Variants in LOC128462377 observed in about 807,000 individuals in gnomAD.
chr16:89,328,302 A>G, the LOC128462377 span, among the ~76,000 whole-genome samples: 1 of 152,194 alleles, frequency 6.6e-6, no homozygotes, highest in Admixed American at 6.5e-5. Context: ...TTACGAACCT[A>G]AGTGTGCGCT....
At chr16:89,381,174 T>C in the LOC128462377 span, among the ~76,000 whole-genome samples, 647 of 151,534 alleles carry the variant, frequency 4.3e-3, 5 homozygotes, top group Non-Finnish European at 6.2e-3. Context: ...AATTAAAAAA[T>C]AAAAATAATA....
chr16:89,322,175 T>C, the LOC128462377 span, among the ~76,000 whole-genome samples: 1 of 152,228 alleles, frequency 6.6e-6, no homozygotes, highest in Admixed American at 6.5e-5. Flanking sequence ...ACCCCTGTAT[T>C]GTTCAAGGGT....
At chr16:89,385,492 G>C in the LOC128462377 span, among the ~76,000 whole-genome samples, 1 of 151,946 alleles carries the variant, frequency 6.6e-6, no homozygotes, top group African/African-American at 2.4e-5. Context: ...CCGGGCAGAG[G>C]GAAGGGCGCC....
the LOC128462377 span, among the ~76,000 whole-genome samples, chr16:89,365,227 G>C: frequency 0.029 from 4,428 of 152,284 alleles, 145 homozygotes; most frequent in African/African-American, 0.074. Context: ...AAGTTCCAGA[G>C]CTGGTTTTTG....
At chr16:89,317,145 C>T in the LOC128462377 span, 8 of 1,047,214 alleles carry the variant, frequency 7.6e-6, no homozygotes, top group Admixed American at 7.9e-5. Context: ...ACTCTCACAC[C>T]GCACTCAACA....
chr16:89,317,074 G>A, the LOC128462377 span: 18 of 1,555,368 alleles, frequency 1.2e-5, no homozygotes, highest in African/African-American at 6.8e-5. Context: ...ATCATCAACC[G>A]TCTGCTTCAA....
chr16:89,376,997 A>G, the LOC128462377 span, among the ~76,000 whole-genome samples: 1 of 152,212 alleles, frequency 6.6e-6, no homozygotes, highest in Non-Finnish European at 1.5e-5. Flanking sequence ...ACAAGGCTGG[A>G]AAGAACCCCT....
the LOC128462377 span, among the ~76,000 whole-genome samples, chr16:89,326,629 C>T: frequency 1.3e-5 from 2 of 152,158 alleles, no homozygotes; most frequent in Non-Finnish European, 2.9e-5. Flanking sequence ...GTAATCCCAG[C>T]TCCTTGGGAG....
chr16:89,406,018 G>A, the LOC128462377 span, among the ~76,000 whole-genome samples: 1 of 150,468 alleles, frequency 6.6e-6, no homozygotes, highest in African/African-American at 2.5e-5. Context: ...GCTGAGGTGG[G>A]AGAATCACCT....
At chr16:89,413,397 G>A in the LOC128462377 span, among the ~76,000 whole-genome samples, 7 of 152,138 alleles carry the variant, frequency 4.6e-5, no homozygotes, top group Admixed American at 1.3e-4. Flanking sequence ...AGGCTGAGGT[G>A]GGCAGATCAC....
the LOC128462377 span, among the ~76,000 whole-genome samples, chr16:89,320,574 A>ACCGTCCCAGCTT: frequency 6.6e-6 from 1 of 152,168 alleles, no homozygotes; most frequent in East Asian, 1.9e-4. Flanking sequence ...GCGGATGGCA[A>ACCGTCCCAGCTT]CCGTCCCAGC....
chr16:89,330,095 T>C, the LOC128462377 span, among the ~76,000 whole-genome samples: 3 of 152,340 alleles, frequency 2.0e-5, no homozygotes, highest in African/African-American at 7.2e-5. Flanking sequence ...ATGTTTAAAA[T>C]GATTTAAATA....
chr16:89,418,292 T>C, the LOC128462377 span: 2 of 454,058 alleles, frequency 4.4e-6, no homozygotes, highest in East Asian at 6.9e-5. Flanking sequence ...ACCGATTCCA[T>C]AGCTGAAAGT....
the LOC128462377 span, among the ~76,000 whole-genome samples, chr16:89,412,996 A>G: frequency 1.9e-3 from 296 of 152,192 alleles, 1 homozygote; most frequent in African/African-American, 6.4e-3. Flanking sequence ...AGAGCTCCCA[A>G]TGGGGAGCTC....
the LOC128462377 span, among the ~76,000 whole-genome samples, chr16:89,389,085 T>C: frequency 3.2e-4 from 48 of 152,292 alleles, no homozygotes; most frequent in East Asian, 2.1e-3. Context: ...ATTACAGTGC[T>C]GGAGTGCAGT....
At chr16:89,398,698 T>G in the LOC128462377 span, among the ~76,000 whole-genome samples, 1 of 152,096 alleles carries the variant, frequency 6.6e-6, no homozygotes, top group African/African-American at 2.4e-5. Context: ...GCTATATGAC[T>G]GTGCCACTGC....
At chr16:89,413,871 G>A in the LOC128462377 span, among the ~76,000 whole-genome samples, 1 of 152,152 alleles carries the variant, frequency 6.6e-6, no homozygotes, top group African/African-American at 2.4e-5. Flanking sequence ...TTCAAGGCCA[G>A]ACTGGGGGGA....
chr16:89,416,724 G>A, the LOC128462377 span, among the ~76,000 whole-genome samples: 1 of 150,794 alleles, frequency 6.6e-6, no homozygotes, highest in Non-Finnish European at 1.5e-5. Flanking sequence ...GAGAGCAGGG[G>A]TTCAAGACAG....
the LOC128462377 span, among the ~76,000 whole-genome samples, chr16:89,394,195 G>A: frequency 2.0e-5 from 3 of 151,770 alleles, no homozygotes; most frequent in East Asian, 3.9e-4. Context: ...AGGAGCCTCT[G>A]ACCTGCTTCC....
Sources: allele counts gnomAD v4.1 joint callset (sites outside exome capture counted in the v4.1 genomes callset), GRCh38; gene constraint gnomAD v4.1.1; transcripts MANE v1.5.